MEGF11: variants seen among roughly 807,000 people sequenced by gnomAD.
MEGF11 encodes multiple epidermal growth factor-like domains protein 11.
A neutral mutation model predicts 146.6 loss-of-function variants in MEGF11; 126 were observed. The observed-to-expected ratio is 0.86, with a 90% CI of 0.74 to 1.00. The LOEUF (loss-of-function observed/expected upper bound fraction) is 1.00. MEGF11 is among the 50% of genes least tolerant of loss of function. MEGF11 has a pLI of 0.00. For synonymous variants in MEGF11, 532 were observed against 583.4 expected (o/e 0.91, Z 1.27); for missense variants, 1,509 against 1,521.2 (o/e 0.99, Z 0.13).
At position 65,985,574 on chromosome 15, in the gene MEGF11, C is replaced by T. The variant is rs538282266; in HGVS notation, c.395-3086G>A. ...CAGTTATGCTTTGCTTATCAAACAA[C>T]CTCTGTTCTTTCTGGCACAGCCAAA... On this transcript the variant is annotated intron_variant, in intron 5 of 25. Coordinates refer to ENST00000395614, the MANE Select transcript of MEGF11 (RefSeq NM_001385028.1). 3.3e-5 allele frequency among the ~76,000 whole-genome samples: 5 copies of T among 152,282 alleles called. No individual in the cohort carries two copies. In the South Asian group the frequency reaches 8.3e-4, roughly 25 times the overall value.
chr15:66,115,791 G>A (rs775637929), intron 4 of MEGF11, among the ~76,000 whole-genome samples: 4 of 152,170 alleles, frequency 2.6e-5, no homozygotes, highest in African/African-American at 4.8e-5. Context: ...GTGAAGCCAC[G>A]GGAAGAACAC....
chr15:66,159,703 G>A (rs2089883461), intron 1 of MEGF11, among the ~76,000 whole-genome samples: 1 of 152,180 alleles, frequency 6.6e-6, no homozygotes, highest in Admixed American at 6.5e-5. Flanking sequence ...GGGGCCTGGA[G>A]ACATGATCTT....
At chr15:66,047,539 G>A (rs1055014771) in intron 5 of MEGF11, among the ~76,000 whole-genome samples, 5 of 152,180 alleles carry the variant, frequency 3.3e-5, no homozygotes, top group African/African-American at 1.2e-4. Context: ...TCTTTATGAT[G>A]GCCATGAATA....
intron 1 of MEGF11, among the ~76,000 whole-genome samples, chr15:66,176,765 C>T: frequency 6.6e-6 from 1 of 152,210 alleles, no homozygotes; most frequent in East Asian, 1.9e-4. Context: ...GGGGAGGTTC[C>T]CAGATGGTTT....
At chr15:66,098,452 T>C (rs1393792478) in intron 4 of MEGF11, among the ~76,000 whole-genome samples, 3 of 152,182 alleles carry the variant, frequency 2.0e-5, no homozygotes, top group Non-Finnish European at 4.4e-5. Context: ...TACTAGTTAA[T>C]GGAACTATAA....
At chr15:65,981,195 C>A (rs1384973961) in intron 6 of MEGF11, among the ~76,000 whole-genome samples, 1 of 152,202 alleles carries the variant, frequency 6.6e-6, no homozygotes, top group Admixed American at 6.5e-5. Context: ...AGGCATTTTA[C>A]TTGGGCCTTA....
At chr15:66,166,340 G>A (rs569959828) in intron 1 of MEGF11, among the ~76,000 whole-genome samples, 12 of 151,986 alleles carry the variant, frequency 7.9e-5, no homozygotes, top group East Asian at 3.9e-4. Flanking sequence ...TCCAACATGC[G>A]TCCAGAATCC....
intron 1 of MEGF11, among the ~76,000 whole-genome samples, chr15:66,195,640 G>T (rs2090989544): frequency 6.6e-6 from 1 of 152,188 alleles, no homozygotes; most frequent in African/African-American, 2.4e-5. Flanking sequence ...GTTCCAAAAG[G>T]TCCATCCGGG....
chr15:66,048,675 C>T (rs1011965551), intron 5 of MEGF11, among the ~76,000 whole-genome samples: 22 of 152,192 alleles, frequency 1.4e-4, no homozygotes, highest in Admixed American at 3.9e-4. Flanking sequence ...CACCTTGCCA[C>T]GCTGGTGGGT....
At chr15:66,045,402 T>C (rs1442704091) in intron 5 of MEGF11, among the ~76,000 whole-genome samples, 1 of 152,208 alleles carries the variant, frequency 6.6e-6, no homozygotes. Context: ...CCTGCCTGCC[T>C]GTCCACTTAA....
At chr15:66,048,047 G>A (rs1420384217) in intron 5 of MEGF11, among the ~76,000 whole-genome samples, 3 of 151,352 alleles carry the variant, frequency 2.0e-5, no homozygotes, top group African/African-American at 7.3e-5. Context: ...CTGGGTTCAA[G>A]TGATTCTCCT....
At chr15:66,122,080 T>C (rs2088055420) in intron 3 of MEGF11, among the ~76,000 whole-genome samples, 1 of 152,022 alleles carries the variant, frequency 6.6e-6, no homozygotes, top group African/African-American at 2.4e-5. Flanking sequence ...CTGGCCAATA[T>C]GGCGAAACCC....
At chr15:66,252,253 G>A (rs1310766152) in intron 1 of MEGF11, among the ~76,000 whole-genome samples, 1 of 132,378 alleles carries the variant, frequency 7.6e-6, no homozygotes, top group East Asian at 2.6e-4. Flanking sequence ...CCACCGGCCG[G>A]GGTTTTAACC....
At chr15:66,223,280 C>T (rs1188273416) in intron 1 of MEGF11, among the ~76,000 whole-genome samples, 1 of 151,956 alleles carries the variant, frequency 6.6e-6, no homozygotes, top group African/African-American at 2.4e-5. Flanking sequence ...ATGAATTGTC[C>T]AAAACCGGCA....
At chr15:66,116,735 C>T (rs1191590195) in intron 4 of MEGF11, among the ~76,000 whole-genome samples, 1 of 152,170 alleles carries the variant, frequency 6.6e-6, no homozygotes, top group Non-Finnish European at 1.5e-5. Flanking sequence ...CTTTGAGCAA[C>T]TAAAAGCCAG....
chr15:65,982,623 G>A lies in MEGF11; in HGVS notation c.395-135C>T. On this transcript the variant is annotated intron_variant, in intron 5 of 25. Transcript: ENST00000395614. The surrounding 1 kb of genome is among the most constrained non-coding windows in gnomAD (Gnocchi z 5.6). ...GGACAGGTGGCAGCAAGGGGTGCCT[G>A]GAAGCTTTGGTGCCTCATAACCTGC... 1 of 1,077,824 alleles carries A rather than the reference G, an allele frequency of 9.3e-7. No individual in the cohort carries two copies. Among genetic ancestry groups the A allele is most frequent in the South Asian group, 2.0e-5 (1 of 50,772 alleles). The allele number at this position is 1,077,824 out of a possible 1,614,324, so 66.8% of individuals were successfully genotyped here. A position where few individuals can be genotyped will look rare whatever the true frequency, so the allele number is the denominator to read the frequency against.
chr15:66,069,664 A>G (rs1490005380), intron 5 of MEGF11, among the ~76,000 whole-genome samples: 1 of 152,166 alleles, frequency 6.6e-6, no homozygotes, highest in East Asian at 1.9e-4. Flanking sequence ...TTCTATTATT[A>G]TAGTATCATC....
chr15:66,073,437 C>T (rs992354619), intron 5 of MEGF11, among the ~76,000 whole-genome samples: 3 of 152,336 alleles, frequency 2.0e-5, no homozygotes, highest in African/African-American at 7.2e-5. Context: ...CACCTCTTCA[C>T]TCCATTTATC....
At chr15:66,226,383 AATTACAGGCG>A (rs1303619860) in intron 1 of MEGF11, among the ~76,000 whole-genome samples, 1 of 151,900 alleles carries the variant, frequency 6.6e-6, no homozygotes, top group Non-Finnish European at 1.5e-5. Flanking sequence ...AAGTAGCTGG[AATTACAGGCG>A]TGTGCCACCA....
Sources: allele counts gnomAD v4.1 joint callset (sites outside exome capture counted in the v4.1 genomes callset), GRCh38; gene constraint gnomAD v4.1.1; non-coding constraint Gnocchi (gnomAD v3.1); transcripts MANE v1.5; gene names NCBI Gene and HGNC (gene_info 2026-07-23, HGNC 2026-07-21).